NT5DC2: variants seen among roughly 807,000 people sequenced by gnomAD.
NT5DC2 encodes 5'-nucleotidase domain containing 2.
Under a neutral mutation model 70.0 loss-of-function variants are expected in NT5DC2, and 41 were observed. The ratio of observed to expected loss-of-function variants is 0.59; its 90% confidence interval spans 0.46 to 0.76. NT5DC2 has a LOEUF of 0.76. Among genes scored for constraint, NT5DC2 ranks in the 30% least tolerant of loss-of-function variants. The pLI, the probability that NT5DC2 is intolerant of heterozygous loss-of-function variation, is 0.00. For synonymous variants in NT5DC2, 299 were observed against 310.4 expected, an observed-to-expected ratio of 0.96 and a Z score of 0.39; for missense variants, 705 against 783.2, an observed-to-expected ratio of 0.90 and a Z score of 1.19.
At chr3:52,533,038 A>G (rs1055036363) in intron 1 of NT5DC2, among the ~76,000 whole-genome samples, 1 of 152,160 alleles carries the variant, frequency 6.6e-6, no homozygotes, top group Non-Finnish European at 1.5e-5. Flanking sequence ...GGCGACATCG[A>G]GGTGTGTCTG....
In NT5DC2 at chr3:52,529,845, CT is replaced by C. The variant is rs753641113; in HGVS notation, c.233-512del. ...CCTCTCAGCTGCCCTGCCCTGCCCCCTGGCCTCATCTCTCAGCCTCCCTGGG... is the reference window on the plus strand; with the variant it reads ...CCTCTCAGCTGCCCTGCCCTGCCCCCGGCCTCATCTCTCAGCCTCCCTGGG... On this transcript the variant is annotated intron_variant, in intron 1 of 13. Coordinates refer to ENST00000422318, the MANE Select transcript of NT5DC2 (RefSeq NM_001134231.2). This position sits in a 1 kb window ranked among gnomAD's most constrained non-coding sequence, Gnocchi z 4.1. 1.2e-5 allele frequency: 2 copies of C among 171,250 alleles called. No individual in the cohort carries two copies. The highest frequency in any genetic ancestry group is 1.1e-4 in the Admixed American group (2 of 18,388). 10.6% of individuals were successfully genotyped at this position (171,250 alleles called of 1,614,324 possible).
At chr3:52,530,628 T>C (rs111904567) in intron 1 of NT5DC2, among the ~76,000 whole-genome samples, 2 of 152,250 alleles carry the variant, frequency 1.3e-5, no homozygotes, top group African/African-American at 4.8e-5. Flanking sequence ...GGCGAGAGGA[T>C]TGCTTGAAAC....
rs560301224 is a variant in NT5DC2, at chr3:52,525,122, G to T, written c.1207-19C>A. Reference sequence around the variant, plus strand: ...TGAGATCCTGGTGGGTGGGGCGGCAGAACTGGGCTCAGCGCCAGTTGCTGG... The same window carrying T: ...TGAGATCCTGGTGGGTGGGGCGGCATAACTGGGCTCAGCGCCAGTTGCTGG... On this transcript the variant is annotated intron_variant, in intron 11 of 13. Coordinates refer to ENST00000422318, the MANE Select transcript of NT5DC2 (RefSeq NM_001134231.2). 6.5e-6 allele frequency: 9 copies of T among 1,386,132 alleles called. No individual in the cohort carries two copies. In the South Asian group the frequency reaches 8.8e-5, roughly 14 times the overall value. 85.9% of individuals were successfully genotyped at this position (1,386,132 alleles called of 1,614,324 possible).
At position 52,524,838 on chromosome 3, in the gene NT5DC2, A is replaced by T. The variant is rs144568381; in HGVS notation, c.1391T>A (p.Met464Lys). 10 of 1,612,466 alleles carry T rather than the reference A, an allele frequency of 6.2e-6. No individual in the cohort carries two copies. The highest frequency in any genetic ancestry group is 8.5e-6 in the Non-Finnish European group (10 of 1,179,990). Residue 464 changes from methionine (M) to lysine (K), a missense_variant, in exon 13 of 14, where the codon ATG (methionine) becomes AAG (lysine). Transcript: ENST00000422318. ...AESRQVLAAWMKERQELRCIT... is the reference protein window; with the variant it reads ...AESRQVLAAWKKERQELRCIT... ...TCACCTCAGCTCCTGCCGCTCTTTC[A>T]TCCAGGCAGCCAGCACCTGCCTCGA... is the stretch of plus-strand genomic sequence containing the variant.
intron 3 of NT5DC2, 41 bp from the exon 4 acceptor site, chr3:52,528,733 G>A: frequency 2.5e-6 from 4 of 1,607,700 alleles, no homozygotes; most frequent in Non-Finnish European, 3.4e-6. Flanking sequence ...TGAGGAGGCA[G>A]TTTCACCGTG....
Position 52,527,630 on chromosome 3 carries a change from TGAA to T in NT5DC2, c.1021_1023del (p.Phe341del). 6.2e-7 allele frequency: 1 copy of T among 1,612,962 alleles called. No homozygotes were observed. Among genetic ancestry groups the T allele is most frequent in the Middle Eastern group, 1.6e-4 (1 of 6,062 alleles). Reference sequence around the variant, plus strand: ...CCATGCCCATACTTGCGCCGGTCAGTGAAGAAGCTGGGCTTGTCTGCCTGGACA... The same window carrying T: ...CCATGCCCATACTTGCGCCGGTCAGTGAAGCTGGGCTTGTCTGCCTGGACA... On this transcript the variant is annotated inframe_deletion, in exon 9 of 14. Coordinates refer to ENST00000422318, the MANE Select transcript of NT5DC2 (RefSeq NM_001134231.2).
Position 52,531,971 on chromosome 3 carries a change from A to C in NT5DC2, c.232+1535T>G, listed in dbSNP as rs2079367395. On this transcript the variant is annotated intron_variant, in intron 1 of 13. Coordinates refer to ENST00000422318, the MANE Select transcript of NT5DC2 (RefSeq NM_001134231.2). This position sits in a 1 kb window ranked among gnomAD's most constrained non-coding sequence, Gnocchi z 4.1. Reference sequence around the variant, plus strand: ...AGTAACAGGCACCGGGGTTGAGATCACCATTCAAGTCACCCCACCTGCATT... The same window carrying C: ...AGTAACAGGCACCGGGGTTGAGATCCCCATTCAAGTCACCCCACCTGCATT... Among the ~76,000 whole-genome samples the C allele has an allele frequency of 6.6e-6, 1 of 152,114 alleles. No homozygotes were observed. Among genetic ancestry groups the C allele is most frequent in the African/African-American group, 2.4e-5 (1 of 41,400 alleles).
At position 52,527,511 on chromosome 3, in the gene NT5DC2, A is replaced by G. The variant is rs575133355; in HGVS notation, c.1037+106T>C. The G allele has an allele frequency of 1.4e-5, 21 of 1,461,728 alleles. No individual in the cohort carries two copies. The East Asian group carries it at 4.2e-4, about 29-fold the overall frequency. 90.5% of individuals were successfully genotyped at this position (1,461,728 alleles called of 1,614,324 possible). On this transcript the variant is annotated intron_variant, in intron 9 of 13. Coordinates refer to ENST00000422318, the MANE Select transcript of NT5DC2 (RefSeq NM_001134231.2). ...AAGGGGGTGTTCTCACCCCAAGCACATTGGGCAGTGGGCAAGGGCCAGGTT... is the reference window on the plus strand; with the variant it reads ...AAGGGGGTGTTCTCACCCCAAGCACGTTGGGCAGTGGGCAAGGGCCAGGTT...
In NT5DC2 at chr3:52,531,880, T is replaced by C. The variant is rs1241093754; in HGVS notation, c.232+1626A>G. Among the ~76,000 whole-genome samples, 1 of 152,210 alleles carries C rather than the reference T, an allele frequency of 6.6e-6. No individual in the cohort carries two copies. Among genetic ancestry groups the C allele is most frequent in the Non-Finnish European group, 1.5e-5 (1 of 68,034 alleles). ...CCATCCTGTGAGGCAGTCCCACTTATTCCCCCATCGTCCGGAGGAAGAAAC... is the reference window on the plus strand; with the variant it reads ...CCATCCTGTGAGGCAGTCCCACTTACTCCCCCATCGTCCGGAGGAAGAAAC... On this transcript the variant is annotated intron_variant, in intron 1 of 13. Coordinates refer to ENST00000422318, the MANE Select transcript of NT5DC2 (RefSeq NM_001134231.2). This position sits in a 1 kb window ranked among gnomAD's most constrained non-coding sequence, Gnocchi z 4.1.
rs749906635 is a variant in NT5DC2 at position 52,529,782 on chromosome 3, CACT to C, written c.233-451_233-449del. On this transcript the variant is annotated intron_variant, in intron 1 of 13. Transcript: ENST00000422318. The surrounding 1 kb of genome is among the most constrained non-coding windows in gnomAD (Gnocchi z 4.1). ...TTGCTCAAAACCCGTGCAGGAACAC[CACT>C]GTCTGGCCCCCCACAATTCAGCGCC... 2.0e-5 allele frequency: 4 copies of C among 199,426 alleles called. No homozygotes were observed. Among genetic ancestry groups the C allele is most frequent in the Non-Finnish European group, 4.2e-5 (4 of 94,946 alleles). 12.4% of individuals were successfully genotyped at this position (199,426 alleles called of 1,614,324 possible). A position where few individuals can be genotyped will look rare whatever the true frequency, so the allele number is the denominator to read the frequency against.
In NT5DC2 at chr3:52,524,463, G is replaced by T; in HGVS notation, c.*7C>A. On this transcript the variant is annotated 3_prime_UTR_variant, in exon 14 of 14. Transcript: ENST00000422318. ...CTGAGGGCCTGTCCCAGACAATAAA[G>T]GTGCCCTCAGCGGATGTGGGCCATG... 6.2e-7 allele frequency: 1 copy of T among 1,612,690 alleles called. No individual in the cohort carries two copies. Among genetic ancestry groups the T allele is most frequent in the Non-Finnish European group, 8.5e-7 (1 of 1,179,938 alleles).
chr3:52,532,581 G>T, intron 1 of NT5DC2: 1 of 879,836 alleles, frequency 1.1e-6, no homozygotes, highest in Non-Finnish European at 1.4e-6. Flanking sequence ...GACAACAAAA[G>T]CCACGTCACC....
rs939560463 is a variant in NT5DC2, at chr3:52,531,484, T to C, written c.232+2022A>G. ...GCAGCCCCTTGCTGGCACAGAGTCC[T>C]GGTTAGGTCCAGGCCTTCACCTCTG... On this transcript the variant is annotated intron_variant, in intron 1 of 13. Transcript: ENST00000422318. The surrounding 1 kb of genome is among the most constrained non-coding windows in gnomAD (Gnocchi z 4.1). 3.3e-5 allele frequency among the ~76,000 whole-genome samples: 5 copies of C among 152,102 alleles called. No individual in the cohort carries two copies. The highest frequency in any genetic ancestry group is 6.5e-5 in the Admixed American group (1 of 15,278).
Position 52,527,912 on chromosome 3 carries a change from C to G in NT5DC2, c.852G>C (p.Gly284=). The change falls in exon 8 of 14, where the codon GGG becomes GGC. Residue 284 remains glycine, a synonymous_variant. Transcript: ENST00000422318. Reference sequence around the variant, plus strand: ...GGCTCAGGACAGCAAACGTCTCATCCCCTCTCAGGATGTACTTCTCTAATG... The same window carrying G: ...GGCTCAGGACAGCAAACGTCTCATCGCCTCTCAGGATGTACTTCTCTAATG... The part of the protein sequence containing the change: ...EQDMEKYILR[G]DETFAVLSRL... 1 of 1,613,582 alleles carries G rather than the reference C, an allele frequency of 6.2e-7. No individual in the cohort carries two copies. Among genetic ancestry groups the G allele is most frequent in the South Asian group, 1.1e-5 (1 of 91,082 alleles).
Position 52,529,288 on chromosome 3 carries a change from G to C in NT5DC2, c.279C>G (p.Ile93Met). ...GCAGGCTGATCTCGTTGTTGGCGTA[G>C]ATGGCTGCTGGGTTCAGGAGACTGC... is the stretch of plus-strand genomic sequence containing the variant. ...EVCSLLNPAA[I>M]YANNEISLRD... The change falls in exon 2 of 14, where the codon ATC becomes ATG. Residue 93 changes from isoleucine (I) to methionine (M), a missense_variant. Physicochemically the swap from Ile to Met is conservative, Grantham distance 10. Coordinates refer to ENST00000422318, the MANE Select transcript of NT5DC2 (RefSeq NM_001134231.2). This position sits in a 1 kb window ranked among gnomAD's most constrained non-coding sequence, Gnocchi z 4.1. The C allele has an allele frequency of 6.2e-7, 1 of 1,613,934 alleles. No individual in the cohort carries two copies. Among genetic ancestry groups the C allele is most frequent in the Non-Finnish European group, 8.5e-7 (1 of 1,179,994 alleles).
At position 52,524,516 on chromosome 3, in the gene NT5DC2, C is replaced by T; in HGVS notation, c.1628G>A (p.Gly543Asp). 6.2e-7 allele frequency: 1 copy of T among 1,612,942 alleles called. No homozygotes were observed. Among genetic ancestry groups the T allele is most frequent in the Non-Finnish European group, 8.5e-7 (1 of 1,180,016 alleles). Residue 543 changes from glycine (G) to aspartate (D), a missense_variant, in exon 14 of 14, where the codon GGC becomes GAC. Physicochemically the swap from Gly to Asp is moderately conservative, Grantham distance 94 (BLOSUM62 -1). Coordinates refer to ENST00000422318, the MANE Select transcript of NT5DC2 (RefSeq NM_001134231.2). ...APLWMDQLCT[G>D]CMKTPFLGDM... ...ACCAAGGAAGGGGGTCTTCATGCAG[C>T]CGGTGCAGAGCTGGTCCATCCAGAG...
chr3:52,530,495 A>G (rs2079345049), intron 1 of NT5DC2, among the ~76,000 whole-genome samples: 1 of 152,186 alleles, frequency 6.6e-6, no homozygotes, highest in South Asian at 2.1e-4. Flanking sequence ...TCTCATGGCT[A>G]TGACTTCAGG....
At chr3:52,534,119 C>G, upstream of NT5DC2, 1 of 276,206 alleles carries the variant, frequency 3.6e-6, no homozygotes, top group Non-Finnish European at 6.9e-6. Context: ...ACGGCCGAGG[C>G]GCCGAGAGGA....
Position 52,529,008 on chromosome 3 carries a change from G to A in NT5DC2, c.418-73C>T. The A allele has an allele frequency of 6.3e-7, 1 of 1,591,306 alleles. No homozygotes were observed. Among genetic ancestry groups the A allele is most frequent in the South Asian group, 1.1e-5 (1 of 90,552 alleles). ...TGCTGGCTGGGTGGCCACCCCAGGG[G>A]GTCAATCCAGCCACCTGCCCAGGGC... is the stretch of plus-strand genomic sequence containing the variant. On this transcript the variant is annotated intron_variant, in intron 2 of 13. Coordinates refer to ENST00000422318, the MANE Select transcript of NT5DC2 (RefSeq NM_001134231.2). This position sits in a 1 kb window ranked among gnomAD's most constrained non-coding sequence, Gnocchi z 4.1.
Sources: allele counts gnomAD v4.1 joint callset (sites outside exome capture counted in the v4.1 genomes callset), GRCh38; gene constraint gnomAD v4.1.1; non-coding constraint Gnocchi (gnomAD v3.1); transcripts MANE v1.5; gene names NCBI Gene and HGNC (gene_info 2026-07-23, HGNC 2026-07-21).